The following ATAD2B variants were observed in gnomAD, a reference collection of about 807,000 sequenced individuals.
ATAD2B encodes the protein ATPase family AAA domain containing 2B, also known as ATPase family AAA domain-containing protein 2B.
Under a neutral mutation model 167.6 loss-of-function variants are expected in ATAD2B, and 40 were observed. The ratio of observed to expected loss-of-function variants is 0.24; its 90% CI spans 0.19 to 0.31. ATAD2B has a LOEUF of 0.31. Ranked by LOEUF, ATAD2B falls within the 10% of genes least tolerant of loss-of-function variation. The pLI is 1.00. For synonymous variants in ATAD2B, 579 were observed against 596.5 expected, an observed-to-expected ratio of 0.97 and a Z score of 0.43; for missense variants, 1,242 against 1,757.2, an observed-to-expected ratio of 0.71 and a Z score of 5.24.
intron 18 of ATAD2B, among the ~76,000 whole-genome samples, chr2:23,803,761 A>C (rs1683892691): frequency 6.6e-6 from 1 of 152,196 alleles, no homozygotes; most frequent in Admixed American, 6.5e-5. Flanking sequence ...CATGATCCCC[A>C]CAGTATAAAC....
chr2:23,752,826 G>A lies in ATAD2B; in HGVS notation c.4336-739C>T, dbSNP rs145438453. On this transcript the variant is annotated intron_variant, in intron 27 of 27. Transcript: ENST00000238789. ...AAAAGACAGGGTTAAAAAAGAGCCA[G>A]AATGAGTGGCTTCCATCACTACCAC... Among the ~76,000 whole-genome samples the A allele has an allele frequency of 2.2e-3, 339 of 152,174 alleles. 2 individuals carry two copies. The highest frequency in any genetic ancestry group is 7.9e-3 in the African/African-American group (330 of 41,520).
intron 22 of ATAD2B, among the ~76,000 whole-genome samples, chr2:23,780,164 C>T (rs1679779975): frequency 6.6e-6 from 1 of 151,864 alleles, no homozygotes; most frequent in African/African-American, 2.4e-5. Context: ...GGGAGGATTG[C>T]TTGAGCCCAG....
At chr2:23,727,549 CATT>C in the ATAD2B span, among the ~76,000 whole-genome samples, 3 of 152,080 alleles carry the variant, frequency 2.0e-5, no homozygotes, top group African/African-American at 7.3e-5. Context: ...ATCCAGCAAT[CATT>C]ATTATATATA....
chr2:23,849,221 T>C (rs981258568), intron 13 of ATAD2B, among the ~76,000 whole-genome samples: 6 of 152,162 alleles, frequency 3.9e-5, no homozygotes, highest in African/African-American at 9.7e-5. Context: ...ATATAGTCTA[T>C]GAACAACACA....
At chr2:23,762,367 A>G (rs1396261804) in intron 23 of ATAD2B, 21 bp from the exon 24 acceptor site, 1 of 1,601,460 alleles carries the variant, frequency 6.2e-7, no homozygotes, top group African/African-American at 1.3e-5. Flanking sequence ...AAGATAAGCA[A>G]TACCTCTTTA....
At chr2:23,893,300 T>C (rs1289763180) in intron 2 of ATAD2B, among the ~76,000 whole-genome samples, 6 of 152,184 alleles carry the variant, frequency 3.9e-5, no homozygotes, top group African/African-American at 1.4e-4. Context: ...CTAATTCTTA[T>C]CTGTATTCAA....
chr2:23,924,325 C>A (rs1704403703), intron 1 of ATAD2B, among the ~76,000 whole-genome samples: 1 of 152,152 alleles, frequency 6.6e-6, no homozygotes, highest in African/African-American at 2.4e-5. Context: ...ACGGGCAACC[C>A]CATTTTGCAC....
chr2:23,786,299 T>C lies in ATAD2B; in HGVS notation c.2777-76A>G, dbSNP rs371756020. The C allele has an allele frequency of 3.5e-4, 406 of 1,167,636 alleles. 1 individual carries two copies. The African/African-American group carries it at 5.8e-3, about 17-fold the overall frequency. 72.3% of individuals were successfully genotyped at this position (1,167,636 alleles called of 1,614,324 possible). ...CCTTTTTTGGCATTCTCTCAAAATG[T>C]TCTTTAAAGAAAAGAATTACAAATA... is the stretch of plus-strand genomic sequence containing the variant. On this transcript the variant is annotated intron_variant, in intron 20 of 27. Coordinates refer to ENST00000238789, the MANE Select transcript of ATAD2B (RefSeq NM_017552.4).
the ATAD2B span, among the ~76,000 whole-genome samples, chr2:23,687,959 C>T: frequency 6.6e-6 from 1 of 152,124 alleles, no homozygotes. Flanking sequence ...CAGCCTGCGG[C>T]CGAGTCCCTT....
chr2:23,810,327 A>C lies in ATAD2B; in HGVS notation c.2443T>G (p.Ser815Ala). ...TGGTACAAACCTACCTGTGCACATG[A>C]TTCCTCAGGTGTTTTGGCACTAACT... is the stretch of plus-strand genomic sequence containing the variant. ...YSVSAKTPEE[S>A]CAQIFREARR... The change falls in exon 18 of 28, where the codon TCA (serine) becomes GCA (alanine). Residue 815 changes from serine (S) to alanine (A), a missense_variant. Physicochemically the swap from Ser to Ala is moderately conservative, Grantham distance 99. Around this residue, in one of 9 missense-constraint regions of ATAD2B, gnomAD observed 34 missense variants for 101.1 expected, o/e 0.34. Coordinates refer to ENST00000238789, the MANE Select transcript of ATAD2B (RefSeq NM_017552.4). The C allele has an allele frequency of 6.2e-7, 1 of 1,613,524 alleles. No individual in the cohort carries two copies. Among genetic ancestry groups the C allele is most frequent in the East Asian group, 2.2e-5 (1 of 44,872 alleles).
Position 23,798,309 on chromosome 2 carries a change from A to G in ATAD2B, c.2469T>C (p.Ala823=). ...EESCAQIFRE[A]RRTVPSIVYM... is the part of the protein sequence containing the mutation. ...AAACAATACTAGGTACTGTTCTTCG[A>G]GCTTCACGAAAAATCTAATTAAGGA... is the stretch of plus-strand genomic sequence containing the variant. Residue 823 remains alanine (A), a synonymous_variant, in exon 19 of 28, where the codon GCT becomes GCC. Coordinates refer to ENST00000238789, the MANE Select transcript of ATAD2B (RefSeq NM_017552.4). 1 of 1,574,698 alleles carries G rather than the reference A, an allele frequency of 6.4e-7. No individual in the cohort carries two copies. Among genetic ancestry groups the G allele is most frequent in the Non-Finnish European group, 8.6e-7 (1 of 1,156,948 alleles).
chr2:23,926,961 G>A lies in ATAD2B; in HGVS notation c.-191C>T, dbSNP rs940714701. On this transcript the variant is annotated 5_prime_UTR_variant, in exon 1 of 28. In the 5' UTR this introduces an upstream ATG that the reference lacks. Coordinates refer to ENST00000238789, the MANE Select transcript of ATAD2B (RefSeq NM_017552.4). ...AGGGAAGTCGGCGTGAGCAGGCGGC[G>A]TGCGGGAAGCGGGGGCGGTGCTGCA... 2.8e-5 allele frequency: 18 copies of A among 646,748 alleles called. No homozygotes were observed. The highest frequency in any genetic ancestry group is 4.4e-5 in the Non-Finnish European group (18 of 409,414). 40.1% of individuals were successfully genotyped at this position (646,748 alleles called of 1,614,324 possible). A position where few individuals can be genotyped will look rare whatever the true frequency, so the allele number is the denominator to read the frequency against.
chr2:23,919,176 C>A (rs2150650485), intron 1 of ATAD2B, among the ~76,000 whole-genome samples: 1 of 139,882 alleles, frequency 7.1e-6, no homozygotes, highest in African/African-American at 2.5e-5. Flanking sequence ...GACCCCATCT[C>A]TATTAAAAAA....
Position 23,927,002 on chromosome 2 carries a change from C to T in ATAD2B, c.-232G>A. On this transcript the variant is annotated 5_prime_UTR_variant, in exon 1 of 28. Coordinates refer to ENST00000238789, the MANE Select transcript of ATAD2B (RefSeq NM_017552.4). ...CGGTGCTGCAGACCGGCAGCACAGA[C>T]ACTCCGCCGGCTTCGCCCTCCTCAG... The T allele has an allele frequency of 2.0e-6, 1 of 510,890 alleles. No individual in the cohort carries two copies. The highest frequency in any genetic ancestry group is 3.4e-6 in the Non-Finnish European group (1 of 296,568). 31.6% of individuals were successfully genotyped at this position (510,890 alleles called of 1,614,324 possible).
At chr2:23,728,066 A>T in the ATAD2B span, among the ~76,000 whole-genome samples, 2 of 152,196 alleles carry the variant, frequency 1.3e-5, no homozygotes, top group Non-Finnish European at 1.5e-5. Flanking sequence ...CTTAGTTAAT[A>T]ATGATGTATG....
At chr2:23,884,970 TGAGCACCTA>T in intron 5 of ATAD2B, 97 bp from the exon 6 acceptor site, 1 of 535,884 alleles carries the variant, frequency 1.9e-6, no homozygotes, top group Admixed American at 4.2e-5. Flanking sequence ...CAAAATTTAT[TGAGCACCTA>T]TTTGCGTGCC....
chr2:23,813,980 C>T lies in ATAD2B; in HGVS notation c.2268-3478G>A, dbSNP rs186674422. 1.2e-4 allele frequency among the ~76,000 whole-genome samples: 19 copies of T among 152,144 alleles called. No homozygotes were observed. The East Asian group carries it at 2.3e-3, about 19-fold the overall frequency. ...AAAGAATTTGCTACAGAGCAGGGCA[C>T]GGTCGAACATGCCTGTAATCCCAGC... is the stretch of plus-strand genomic sequence containing the variant. On this transcript the variant is annotated intron_variant, in intron 17 of 27. Transcript: ENST00000238789.
chr2:23,759,333 T>C (rs1428772005), intron 24 of ATAD2B, among the ~76,000 whole-genome samples: 1 of 152,140 alleles, frequency 6.6e-6, no homozygotes, highest in African/African-American at 2.4e-5. Flanking sequence ...AAATATGAAA[T>C]CACTAACTGT....
In ATAD2B at chr2:23,878,017, A is replaced by G. The variant is rs867197848; in HGVS notation, c.902-2113T>C. Among the ~76,000 whole-genome samples the G allele has an allele frequency of 1.1e-4, 14 of 132,728 alleles. 1 individual carries two copies. The highest frequency in any genetic ancestry group is 3.6e-4 in the African/African-American group (13 of 36,460). The allele number at this position is 132,728 out of a possible 152,430, so 87.1% of individuals were successfully genotyped here. On this transcript the variant is annotated intron_variant, in intron 7 of 27. Transcript: ENST00000238789. ...CCTGGATGACCCTATCTCCAAAGAA[A>G]AAAAAAAAAAAAAAAAAAAAAAGCA... is the stretch of plus-strand genomic sequence containing the variant.
Sources: gnomAD v4.1 joint callset for allele counts (sites outside exome capture counted in the v4.1 genomes callset) on GRCh38, gnomAD v4.1.1 for gene constraint, gnomAD v4.1.1 regional missense constraint, MANE v1.5 for transcripts, NCBI Gene and HGNC (gene_info 2026-07-23, HGNC 2026-07-21) for gene names.